Variants in KCNMA1 observed in about 807,000 individuals in gnomAD.
KCNMA1 encodes the protein potassium calcium-activated channel subfamily M alpha 1.
KCNMA1 carries 29 observed loss-of-function variants against 140.0 expected under a neutral mutation model. The observed-to-expected ratio is 0.21, with a 90% CI of 0.15 to 0.28. The LOEUF is 0.28. Among genes scored for constraint, KCNMA1 ranks in the 10% least tolerant of loss-of-function variants. KCNMA1 has a pLI of 1.00. For synonymous variants in KCNMA1, 612 were observed against 611.9 expected (o/e 1.00, Z 0.00); for missense variants, 880 against 1,602.2 (o/e 0.55, Z 7.70).
intron 1 of KCNMA1, among the ~76,000 whole-genome samples, chr10:77,436,957 T>TACAC (rs10536103): frequency 0.041 from 5,479 of 134,786 alleles, 130 homozygotes; most frequent in African/African-American, 0.069. Flanking sequence ...CTTCTTTCTT[T>TACAC]ACACACACAC....
intron 1 of KCNMA1, among the ~76,000 whole-genome samples, chr10:77,617,828 T>C (rs1022392868): frequency 1.3e-5 from 2 of 152,212 alleles, no homozygotes; most frequent in African/African-American, 4.8e-5. Context: ...AGTTTTCTCA[T>C]TGGGTCATGA....
intron 2 of KCNMA1, among the ~76,000 whole-genome samples, chr10:77,281,531 G>A (rs957037754): frequency 6.6e-6 from 1 of 152,186 alleles, no homozygotes; most frequent in Admixed American, 6.5e-5. Flanking sequence ...AGCAGGGCAT[G>A]AGAGAAACTG....
chr10:77,188,445 C>G (rs1369826935), intron 3 of KCNMA1, among the ~76,000 whole-genome samples: 1 of 152,140 alleles, frequency 6.6e-6, no homozygotes, highest in Non-Finnish European at 1.5e-5. Flanking sequence ...CTATTCATTT[C>G]TAGGCTCCCA....
At chr10:77,339,684 G>A (rs975412498) in intron 2 of KCNMA1, among the ~76,000 whole-genome samples, 1 of 152,206 alleles carries the variant, frequency 6.6e-6, no homozygotes, top group Non-Finnish European at 1.5e-5. Context: ...TGACACTGCA[G>A]TTTGGCTCAC....
chr10:77,094,917 T>G (rs1229816409), intron 9 of KCNMA1, among the ~76,000 whole-genome samples: 4 of 152,086 alleles, frequency 2.6e-5, no homozygotes, highest in Non-Finnish European at 5.9e-5. Context: ...CCCAGGCTGG[T>G]CATGAACTCC....
At chr10:77,222,955 C>T (rs1565319308) in intron 3 of KCNMA1, among the ~76,000 whole-genome samples, 3 of 152,100 alleles carry the variant, frequency 2.0e-5, no homozygotes, top group Non-Finnish European at 2.9e-5. Context: ...TGGGGCTGGG[C>T]GTGGTAGCTC....
At chr10:77,089,284 A>G (rs534589590) in intron 10 of KCNMA1, among the ~76,000 whole-genome samples, 1 of 152,256 alleles carries the variant, frequency 6.6e-6, no homozygotes, top group East Asian at 1.9e-4. Context: ...CCTCAGTGGA[A>G]CCTCAGAGTA....
chr10:77,603,607 T>C (rs540861024), intron 1 of KCNMA1, among the ~76,000 whole-genome samples: 1 of 152,108 alleles, frequency 6.6e-6, no homozygotes, highest in African/African-American at 2.4e-5. Context: ...GAGGAGGAGT[T>C]AGAAGAGGAA....
At chr10:76,901,377 A>G (rs2045317232) in intron 25 of KCNMA1, 1 of 152,174 alleles carries the variant, frequency 6.6e-6, no homozygotes, top group Non-Finnish European at 1.5e-5. Flanking sequence ...AGAAGTATGA[A>G]TAACTGTTCT....
chr10:77,506,845 GTGTGTGTGTGT>G (rs2046314499), intron 1 of KCNMA1, among the ~76,000 whole-genome samples: 1 of 53,088 alleles, frequency 1.9e-5, no homozygotes. Context: ...GAGAGAGTGT[GTGTGTGTGTGT>G]GTGTGTGTGT....
At chr10:77,095,308 G>A (rs1482972461) in intron 9 of KCNMA1, among the ~76,000 whole-genome samples, 1 of 152,156 alleles carries the variant, frequency 6.6e-6, no homozygotes, top group African/African-American at 2.4e-5. Context: ...GTCTGGATCT[G>A]TAAACAAATA....
intron 3 of KCNMA1, among the ~76,000 whole-genome samples, chr10:77,227,628 A>C (rs1323782395): frequency 6.6e-6 from 1 of 152,238 alleles, no homozygotes; most frequent in South Asian, 2.1e-4. Flanking sequence ...CTCTGTCATT[A>C]TCAGGGGTCT....
chr10:77,252,120 A>C (rs2059778415), intron 2 of KCNMA1, among the ~76,000 whole-genome samples: 1 of 152,202 alleles, frequency 6.6e-6, no homozygotes, highest in Non-Finnish European at 1.5e-5. Context: ...CCATGGATGG[A>C]AGACAGTTTT....
chr10:77,317,905 C>T lies in KCNMA1; in HGVS notation c.541-66649G>A, dbSNP rs369461499. On this transcript the variant is annotated intron_variant, in intron 2 of 27. Coordinates refer to ENST00000286628, the MANE Select transcript of KCNMA1 (RefSeq NM_001161352.2). ...AGATTCACGGTTTTGTTTAAGGCATCCCAAAAACTAGAAATTGTTTGCTTG... is the reference window on the plus strand; with the variant it reads ...AGATTCACGGTTTTGTTTAAGGCATTCCAAAAACTAGAAATTGTTTGCTTG... Among the ~76,000 whole-genome samples the T allele has an allele frequency of 5.3e-5, 8 of 152,300 alleles. No individual in the cohort carries two copies. The South Asian group carries it at 1.2e-3, about 24-fold the overall frequency.
intron 5 of KCNMA1, among the ~76,000 whole-genome samples, chr10:77,170,057 G>T (rs920352026): frequency 3.9e-5 from 6 of 152,278 alleles, no homozygotes; most frequent in African/African-American, 1.4e-4. Flanking sequence ...TGGGCGTGGT[G>T]GTGGGCACCT....
chr10:77,378,214 C>T (rs1268392815), intron 2 of KCNMA1, among the ~76,000 whole-genome samples: 2 of 152,218 alleles, frequency 1.3e-5, no homozygotes, highest in Non-Finnish European at 1.5e-5. Context: ...CTGACTCACT[C>T]ATCTGGGTGG....
chr10:77,516,520 G>T (rs1268225057), intron 1 of KCNMA1, among the ~76,000 whole-genome samples: 1 of 152,216 alleles, frequency 6.6e-6, no homozygotes, highest in Non-Finnish European at 1.5e-5. Context: ...AGAGGACAGC[G>T]CCTGACCCAT....
At position 76,996,908 on chromosome 10, in the gene KCNMA1, T is replaced by C. The variant is rs372152412; in HGVS notation, c.2266+4499A>G. On this transcript the variant is annotated intron_variant, in intron 19 of 27. Coordinates refer to ENST00000286628, the MANE Select transcript of KCNMA1 (RefSeq NM_001161352.2). ...AAAGGAATGAGATAATTATAGGCTG[T>C]TGATTTTTAAATGTAGCTTATTAAA... is the stretch of plus-strand genomic sequence containing the variant. Among the ~76,000 whole-genome samples the C allele has an allele frequency of 6.6e-5, 10 of 152,316 alleles. 2 individuals carry two copies. Among genetic ancestry groups the C allele is most frequent in the East Asian group, 1.9e-4 (1 of 5,172 alleles).
chr10:77,577,246 C>A (rs1240612475), intron 1 of KCNMA1, among the ~76,000 whole-genome samples: 4 of 151,892 alleles, frequency 2.6e-5, no homozygotes, highest in Non-Finnish European at 5.9e-5. Flanking sequence ...ACGGGGGTTT[C>A]ACCATCTTGG....
Sources: allele counts gnomAD v4.1 joint callset (sites outside exome capture counted in the v4.1 genomes callset), GRCh38; gene constraint gnomAD v4.1.1; transcripts MANE v1.5; gene names NCBI Gene and HGNC (gene_info 2026-07-23, HGNC 2026-07-21).